The following ATF2 variants were observed in gnomAD, a reference collection of about 807,000 sequenced individuals.
ATF2 encodes cyclic AMP-dependent transcription factor ATF-2.
Under a neutral mutation model 60.6 loss-of-function variants are expected in ATF2, and 24 were observed. The ratio of observed to expected loss-of-function variants is 0.40; its 90% confidence interval spans 0.29 to 0.56. The LOEUF (loss-of-function observed/expected upper bound fraction) is 0.56, where lower values mean the gene tolerates loss of function less well. Among genes scored for constraint, ATF2 ranks in the 20% least tolerant of loss-of-function variants. The pLI is 0.54. For missense variants in ATF2, 433 were observed against 607.7 expected (o/e 0.71, Z 3.02); for synonymous variants, 206 against 215.4 (o/e 0.96, Z 0.38).
At chr2:175,114,909 A>G in intron 7 of ATF2, 41 bp from the exon 8 acceptor site, 1 of 1,592,034 alleles carries the variant, frequency 6.3e-7, no homozygotes. Flanking sequence ...ATTTAAAAAT[A>G]CAAATCATGT....
chr2:175,099,504 T>C (rs552386878), intron 10 of ATF2, among the ~76,000 whole-genome samples: 39 of 152,324 alleles, frequency 2.6e-4, no homozygotes, highest in African/African-American at 8.7e-4. Context: ...TTTCCTGTCA[T>C]ACTCTCCTTC....
At chr2:175,121,175 A>T (rs1696932327) in intron 5 of ATF2, among the ~76,000 whole-genome samples, 1 of 151,836 alleles carries the variant, frequency 6.6e-6, no homozygotes, top group African/African-American at 2.4e-5. Flanking sequence ...TAAATGTAAA[A>T]TTTGTAGATG....
chr2:175,154,894 G>A (rs932611867), intron 1 of ATF2, among the ~76,000 whole-genome samples: 8 of 152,218 alleles, frequency 5.3e-5, no homozygotes, highest in African/African-American at 1.7e-4. Flanking sequence ...GTAGGCATCA[G>A]TATGAGAAAG....
intron 1 of ATF2, among the ~76,000 whole-genome samples, chr2:175,160,622 T>C (rs745321708): frequency 6.6e-6 from 1 of 152,194 alleles, no homozygotes; most frequent in African/African-American, 2.4e-5. Flanking sequence ...GTAGTTATAA[T>C]TGTATAATTA....
chr2:175,157,364 C>G (rs11894320), intron 1 of ATF2, among the ~76,000 whole-genome samples: 31,471 of 152,014 alleles, frequency 0.21, 3,909 homozygotes, highest in African/African-American at 0.36. Context: ...TACACAGCCA[C>G]GCAGGGTGAG....
chr2:175,148,190 G>A (rs1033058195), intron 2 of ATF2, among the ~76,000 whole-genome samples: 4 of 152,206 alleles, frequency 2.6e-5, no homozygotes, highest in African/African-American at 4.8e-5. Context: ...GATTGGATCC[G>A]AGAGTCTCCA....
chr2:175,110,319 A>T (rs1195811583), intron 10 of ATF2, among the ~76,000 whole-genome samples: 2 of 149,376 alleles, frequency 1.3e-5, no homozygotes, highest in Admixed American at 6.8e-5. Flanking sequence ...TGGGTGAGAG[A>T]GCGAGACTCC....
Position 175,093,276 on chromosome 2 carries a change from A to T in ATF2, c.979-9T>A. On this transcript the variant is annotated splice_polypyrimidine_tract_variant and intron_variant, in intron 11 of 13. Transcript: ENST00000264110. ...GTGTGAGCTGGAGAAGCCTATTATAAACAGAGATGAAAGCCTGTTATATTT... is the reference window on the plus strand; with the variant it reads ...GTGTGAGCTGGAGAAGCCTATTATATACAGAGATGAAAGCCTGTTATATTT... 1 of 1,612,380 alleles carries T rather than the reference A, an allele frequency of 6.2e-7. No individual in the cohort carries two copies. Among genetic ancestry groups the T allele is most frequent in the Non-Finnish European group, 8.5e-7 (1 of 1,179,006 alleles).
intron 2 of ATF2, among the ~76,000 whole-genome samples, chr2:175,145,545 C>A (rs527515329): frequency 1.3e-5 from 2 of 152,166 alleles, no homozygotes; most frequent in Non-Finnish European, 2.9e-5. Flanking sequence ...GCCAATTAAA[C>A]CTCTTTTCTT....
At chr2:175,162,575 C>T (rs983049409) in intron 1 of ATF2, among the ~76,000 whole-genome samples, 3 of 152,150 alleles carry the variant, frequency 2.0e-5, no homozygotes, top group Non-Finnish European at 4.4e-5. Flanking sequence ...TAGGCATAAA[C>T]TGAAAACTAT....
intron 1 of ATF2, among the ~76,000 whole-genome samples, chr2:175,154,588 T>C (rs1699544593): frequency 6.6e-6 from 1 of 152,172 alleles, no homozygotes; most frequent in African/African-American, 2.4e-5. Context: ...TACGTAATTG[T>C]GCTATTTTTT....
intron 4 of ATF2, among the ~76,000 whole-genome samples, chr2:175,129,921 TC>T (rs938056707): frequency 1.3e-5 from 2 of 151,888 alleles, no homozygotes; most frequent in African/African-American, 2.4e-5. Context: ...GATATAATGC[TC>T]CCCCCCTCCG....
intron 1 of ATF2, chr2:175,167,706 A>G: frequency 2.0e-6 from 1 of 496,822 alleles, no homozygotes; most frequent in Non-Finnish European, 4.2e-6. Context: ...GAACTGACCC[A>G]AGTAGGGTGA....
chr2:175,092,297 G>C (rs1694606891), intron 12 of ATF2: 2 of 156,298 alleles, frequency 1.3e-5, no homozygotes, highest in South Asian at 3.8e-4. Flanking sequence ...GATTGAGCTA[G>C]ACTAATAACT....
At chr2:175,130,501 C>A (rs528441764) in intron 3 of ATF2, among the ~76,000 whole-genome samples, 12 of 152,100 alleles carry the variant, frequency 7.9e-5, no homozygotes, top group Non-Finnish European at 1.5e-4. Context: ...TTCATTTATT[C>A]AAGAAAATTA....
At chr2:175,123,664 A>G (rs1178178903) in intron 4 of ATF2, among the ~76,000 whole-genome samples, 1 of 152,080 alleles carries the variant, frequency 6.6e-6, no homozygotes, top group Non-Finnish European at 1.5e-5. Flanking sequence ...AACCTAACAA[A>G]TATTTAGGAT....
intron 11 of ATF2, among the ~76,000 whole-genome samples, chr2:175,095,201 T>C (rs1195874346): frequency 6.6e-6 from 1 of 151,882 alleles, no homozygotes; most frequent in Non-Finnish European, 1.5e-5. Context: ...GGGTTCCAAG[T>C]GATTCTCCTA....
At chr2:175,076,225 C>A (rs930764436) in intron 13 of ATF2, among the ~76,000 whole-genome samples, 1 of 152,058 alleles carries the variant, frequency 6.6e-6, no homozygotes, top group African/African-American at 2.4e-5. Context: ...CAAATCCATG[C>A]ATTTTTGAAA....
chr2:175,163,184 TGC>T (rs1700132395), intron 1 of ATF2, among the ~76,000 whole-genome samples: 1 of 1,456 alleles, frequency 6.9e-4, no homozygotes, highest in African/African-American at 1.5e-3. Context: ...AATAAATAAA[TGC>T]AAGCAAACAT....
Sources: gnomAD v4.1 joint callset for allele counts (sites outside exome capture counted in the v4.1 genomes callset) on GRCh38, gnomAD v4.1.1 for gene constraint, MANE v1.5 for transcripts, NCBI Gene and HGNC (gene_info 2026-07-23, HGNC 2026-07-21) for gene names.